The following PTCD2 variants were observed in gnomAD, a reference collection of about 807,000 sequenced individuals.
PTCD2 encodes pentatricopeptide repeat-containing protein 2, mitochondrial.
In PTCD2, 31 loss-of-function variants were observed where a neutral mutation model predicts 42.6. That is an observed-to-expected ratio of 0.73 (90% CI 0.55 to 0.98). PTCD2 has a LOEUF of 0.98. Among genes scored for constraint, PTCD2 ranks in the 50% least tolerant of loss-of-function variants. The pLI is 0.00. For missense variants in PTCD2, 476 were observed against 454.8 expected, an observed-to-expected ratio of 1.05 and a Z score of -0.42; for synonymous variants, 183 against 170.9, an observed-to-expected ratio of 1.07 and a Z score of -0.55.
rs924250723 is a variant in PTCD2, at chr5:72,333,128, C to T, written c.468+1753C>T. 3.9e-5 allele frequency among the ~76,000 whole-genome samples: 6 copies of T among 152,212 alleles called. No homozygotes were observed. The East Asian group carries it at 1.2e-3, about 29-fold the overall frequency. ...CTCACACTTAGAAGAAAACCCAGAC[C>T]CTTGACTCTGACCTAGGGGGCCCAT... On this transcript the variant is annotated intron_variant, in intron 4 of 9. Transcript: ENST00000380639.
At chr5:72,324,508 A>C (rs1158266471) in intron 2 of PTCD2, among the ~76,000 whole-genome samples, 2 of 152,036 alleles carry the variant, frequency 1.3e-5, no homozygotes, top group African/African-American at 4.8e-5. Context: ...CCTTACCTAG[A>C]ATATCCCCCT....
rs183339156 is a variant in PTCD2 at position 72,334,100 on chromosome 5, C to T, written c.469-918C>T. Among the ~76,000 whole-genome samples the T allele has an allele frequency of 3.7e-4, 56 of 152,112 alleles. No homozygotes were observed. In the East Asian group the frequency reaches 3.9e-3, roughly 10 times the overall value. Reference sequence around the variant, plus strand: ...CCCAGGCTGGTCCTGAACTCTTGGCCTCAAGTGATCCCGCCTCTCCCTCCC... The same window carrying T: ...CCCAGGCTGGTCCTGAACTCTTGGCTTCAAGTGATCCCGCCTCTCCCTCCC... On this transcript the variant is annotated intron_variant, in intron 4 of 9. Coordinates refer to ENST00000380639, the MANE Select transcript of PTCD2 (RefSeq NM_024754.5).
rs1753231009 is a variant in PTCD2 at position 72,367,473 on chromosome 5, T to C, written c.*9046T>C. ...AACTGATGAGGTAAAAGAAACAAAC[T>C]GTTAATGACTCTAAACAATGTGGCC... is the stretch of plus-strand genomic sequence containing the variant. On this transcript the variant is annotated 3_prime_UTR_variant, in exon 10 of 10. Transcript: ENST00000380639. The C allele has an allele frequency of 6.6e-6, 1 of 152,272 alleles. No homozygotes were observed. Among genetic ancestry groups the C allele is most frequent in the Non-Finnish European group, 1.5e-5 (1 of 68,024 alleles). 9.4% of individuals were successfully genotyped at this position (152,272 alleles called of 1,614,324 possible).
chr5:72,348,632 A>T (rs549637870), intron 8 of PTCD2, among the ~76,000 whole-genome samples: 1 of 152,370 alleles, frequency 6.6e-6, no homozygotes, highest in South Asian at 2.1e-4. Flanking sequence ...CTCTTTAGCA[A>T]TGCTGCTTCA....
chr5:72,320,792 G>A (rs181982739), intron 1 of PTCD2: 138 of 415,522 alleles, frequency 3.3e-4, no homozygotes, highest in African/African-American at 2.6e-3. Context: ...TCCCGCCTTG[G>A]GTGACTTTTA....
At chr5:72,335,153 A>G in intron 5 of PTCD2, 57 bp downstream of exon 5, 1 of 974,030 alleles carries the variant, frequency 1.0e-6, no homozygotes. Flanking sequence ...TGGCATAGGA[A>G]CTAGGGGGAA....
chr5:72,358,333 C>T lies in PTCD2; in HGVS notation c.1073C>T (p.Pro358Leu), dbSNP rs1752986229. ...TTGGATGCTGTGCTCTGCCACACCC[C>T]CAGGGACAGGAAATCTCACACGTTG... is the stretch of plus-strand genomic sequence containing the variant. ...DSLDAVLCHT[P>L]RDRKSHTLLL... The change falls in exon 10 of 10, where the codon CCC becomes CTC. Residue 358 changes from proline to leucine, a missense_variant. Transcript: ENST00000380639. 1 of 1,614,026 alleles carries T rather than the reference C, an allele frequency of 6.2e-7. No individual in the cohort carries two copies. The highest frequency in any genetic ancestry group is 8.5e-7 in the Non-Finnish European group (1 of 1,179,992).
intron 9 of PTCD2, among the ~76,000 whole-genome samples, chr5:72,355,848 C>G (rs896620684): frequency 3.3e-5 from 5 of 152,174 alleles, no homozygotes; most frequent in African/African-American, 1.2e-4. Flanking sequence ...TCCCTCATTT[C>G]TCCTGCCTCT....
At chr5:72,329,210 T>C (rs1267430876) in intron 3 of PTCD2, among the ~76,000 whole-genome samples, 1 of 152,246 alleles carries the variant, frequency 6.6e-6, no homozygotes, top group Non-Finnish European at 1.5e-5. Context: ...CTCTACCCAG[T>C]TGCTGACCTT....
At chr5:72,328,388 T>C (rs1751255109) in intron 3 of PTCD2, among the ~76,000 whole-genome samples, 1 of 152,232 alleles carries the variant, frequency 6.6e-6, no homozygotes, top group South Asian at 2.1e-4. Flanking sequence ...TGAGCTGCAC[T>C]GGCCCACAGC....
Position 72,365,444 on chromosome 5 carries a change from C to A in PTCD2, c.*7017C>A, listed in dbSNP as rs1000417856. 3.3e-5 allele frequency: 5 copies of A among 152,196 alleles called. No homozygotes were observed. Among genetic ancestry groups the A allele is most frequent in the African/African-American group, 9.7e-5 (4 of 41,438 alleles). The allele number at this position is 152,196 out of a possible 1,614,324, so 9.4% of individuals were successfully genotyped here. ...CCCTAGACAGCAACATCATCTGTTA[C>A]AATTGACAGCATGAAGGAAGGCATA... On this transcript the variant is annotated 3_prime_UTR_variant, in exon 10 of 10. Coordinates refer to ENST00000380639, the MANE Select transcript of PTCD2 (RefSeq NM_024754.5).
chr5:72,326,690 A>G lies in PTCD2; in HGVS notation c.299A>G (p.His100Arg), dbSNP rs1406680070. 4.3e-6 allele frequency: 7 copies of G among 1,613,970 alleles called. No individual in the cohort carries two copies. The highest frequency in any genetic ancestry group is 5.9e-6 in the Non-Finnish European group (7 of 1,179,988). The change falls in exon 3 of 10, where the codon CAT becomes CGT. Residue 100 changes from histidine (H) to arginine (R), a missense_variant. By Grantham distance (29) the His-to-Arg change is conservative. Transcript: ENST00000380639. ...ILKGELITLLHLCESRDHVEL... is the reference protein window; with the variant it reads ...ILKGELITLLRLCESRDHVEL... ...AAGGGGGAGTTGATAACCTTACTAC[A>G]TTTGTGTGAGTCTCGGGACCATGTG...
At position 72,338,673 on chromosome 5, in the gene PTCD2, C is replaced by T; in HGVS notation, c.691C>T (p.Leu231Phe). Residue 231 changes from leucine (L) to phenylalanine (F), a missense_variant, in exon 7 of 10, where the codon CTC (leucine) becomes TTC (phenylalanine). By Grantham distance (22) the Leu-to-Phe change is conservative. Transcript: ENST00000380639. Reference protein sequence around the residue: ...ICTTLREEALLKGEILSRRAS... With the variant: ...ICTTLREEALFKGEILSRRAS... ...TACTACATTAAGAGAAGAAGCTCTA[C>T]TCAAAGGAGAAATTCTCTCCAGGAG... 1 of 1,613,060 alleles carries T rather than the reference C, an allele frequency of 6.2e-7. No homozygotes were observed. The highest frequency in any genetic ancestry group is 8.5e-7 in the Non-Finnish European group (1 of 1,179,098).
chr5:72,361,035 C>G lies in PTCD2; in HGVS notation c.*2608C>G, dbSNP rs1399589078. On this transcript the variant is annotated 3_prime_UTR_variant, in exon 10 of 10. Coordinates refer to ENST00000380639, the MANE Select transcript of PTCD2 (RefSeq NM_024754.5). ...TTTGATTGGACAGAACATCTTATTCCTTAACTCTGTTATGTGCTTTTGTAG... is the reference window on the plus strand; with the variant it reads ...TTTGATTGGACAGAACATCTTATTCGTTAACTCTGTTATGTGCTTTTGTAG... 1 of 152,170 alleles carries G rather than the reference C, an allele frequency of 6.6e-6. No individual in the cohort carries two copies. The highest frequency in any genetic ancestry group is 6.5e-5 in the Admixed American group (1 of 15,274). 9.4% of individuals were successfully genotyped at this position (152,170 alleles called of 1,614,324 possible). A position where few individuals can be genotyped will look rare whatever the true frequency, so the allele number is the denominator to read the frequency against.
intron 8 of PTCD2, among the ~76,000 whole-genome samples, chr5:72,345,602 G>A (rs866287791): frequency 8.5e-5 from 13 of 152,148 alleles, no homozygotes; most frequent in African/African-American, 2.2e-4. Context: ...AATTATAAAC[G>A]TATTAATTTG....
Position 72,342,102 on chromosome 5 carries a change from A to T in PTCD2, c.754-860A>T, listed in dbSNP as rs1272399507. On this transcript the variant is annotated intron_variant, in intron 7 of 9. Coordinates refer to ENST00000380639, the MANE Select transcript of PTCD2 (RefSeq NM_024754.5). ...AAAAATAAAAATTCAAAAATAAAAG[A>T]AAAACGTGTTTCTTTTAGACCGGTC... Among the ~76,000 whole-genome samples the T allele has an allele frequency of 2.6e-5, 4 of 152,082 alleles. No individual in the cohort carries two copies. The East Asian group carries it at 7.7e-4, about 29-fold the overall frequency.
chr5:72,350,978 G>A (rs894961279), intron 8 of PTCD2, among the ~76,000 whole-genome samples: 9 of 152,108 alleles, frequency 5.9e-5, no homozygotes, highest in Non-Finnish European at 1.3e-4. Context: ...GTATATTTCC[G>A]TGATGAATTG....
intron 4 of PTCD2, among the ~76,000 whole-genome samples, chr5:72,334,167 A>G (rs554595465): frequency 2.6e-5 from 4 of 152,318 alleles, no homozygotes; most frequent in Admixed American, 6.5e-5. Flanking sequence ...CACCTGGCCA[A>G]ATATATACAA....
intron 7 of PTCD2, among the ~76,000 whole-genome samples, chr5:72,341,311 C>T (rs371790771): frequency 1.1e-4 from 16 of 151,984 alleles, no homozygotes; most frequent in African/African-American, 2.7e-4. Context: ...CCCAAAGTGC[C>T]GGGATTACAG....
Sources: allele counts gnomAD v4.1 joint callset (sites outside exome capture counted in the v4.1 genomes callset), GRCh38; gene constraint gnomAD v4.1.1; transcripts MANE v1.5; gene names NCBI Gene and HGNC (gene_info 2026-07-23, HGNC 2026-07-21).